Variants in PTPDC1 observed in about 807,000 individuals in gnomAD.
PTPDC1 encodes protein tyrosine phosphatase domain containing 1, also known as protein tyrosine phosphatase domain-containing protein 1.
PTPDC1 carries 53 observed loss-of-function variants against 75.3 expected under a neutral mutation model. The observed-to-expected ratio is 0.70, with a 90% CI of 0.56 to 0.88. PTPDC1 has a LOEUF of 0.88. Ranked by LOEUF, PTPDC1 falls within the 40% of genes least tolerant of loss-of-function variation. PTPDC1 has a pLI of 0.00. For missense variants in PTPDC1, 925 were observed against 998.6 expected (o/e 0.93, Z 0.99); for synonymous variants, 349 against 366.2 (o/e 0.95, Z 0.54).
intron 1 of PTPDC1, among the ~76,000 whole-genome samples, chr9:94,063,816 A>G (rs1233488603): frequency 6.6e-6 from 1 of 152,188 alleles, no homozygotes; most frequent in Admixed American, 6.5e-5. Flanking sequence ...AATTTCAACA[A>G]GTTTTTATTG....
chr9:94,084,479 C>CTGAG lies in PTPDC1; in HGVS notation c.-45_-42dup. On this transcript the variant is annotated 5_prime_UTR_variant, in exon 1 of 9. Coordinates refer to ENST00000620992, the MANE Select transcript of PTPDC1 (RefSeq NM_001253829.2). ...CCCTGCTCTCAGTGAAAGTTCCTCACTGAGTGAGTGGGGCTGACTCTTCCT... is the reference window on the plus strand; with the variant it reads ...CCCTGCTCTCAGTGAAAGTTCCTCACTGAGTGAGTGAGTGGGGCTGACTCTTCCT... 1 of 1,597,062 alleles carries CTGAG rather than the reference C, an allele frequency of 6.3e-7. No individual in the cohort carries two copies. The highest frequency in any genetic ancestry group is 8.5e-7 in the Non-Finnish European group (1 of 1,177,834).
intron 2 of PTPDC1, among the ~76,000 whole-genome samples, chr9:94,074,156 C>T (rs541937133): frequency 1.6e-4 from 24 of 152,250 alleles, no homozygotes; most frequent in African/African-American, 4.8e-4. Flanking sequence ...TTTTCTTTCT[C>T]GCTTGTCAGG....
chr9:94,074,882 A>C (rs1245655910), intron 2 of PTPDC1, among the ~76,000 whole-genome samples: 1 of 152,174 alleles, frequency 6.6e-6, no homozygotes, highest in East Asian at 1.9e-4. Flanking sequence ...TTATGGGGAA[A>C]GTAGAGTGTT....
At chr9:94,104,804 C>G (rs1305748737) in intron 8 of PTPDC1, among the ~76,000 whole-genome samples, 4 of 152,108 alleles carry the variant, frequency 2.6e-5, no homozygotes, top group Non-Finnish European at 4.4e-5. Context: ...AGTACTGAGT[C>G]CTGGTTGGCA....
At chr9:94,065,650 A>G (rs2117873797) in intron 2 of PTPDC1, among the ~76,000 whole-genome samples, 1 of 152,348 alleles carries the variant, frequency 6.6e-6, no homozygotes, top group Non-Finnish European at 1.5e-5. Context: ...TCTCTCATCA[A>G]GAAAACCATT....
intron 4 of PTPDC1, among the ~76,000 whole-genome samples, 180 bp downstream of exon 4, chr9:94,088,443 G>A (rs1243482394): frequency 2.0e-5 from 3 of 152,174 alleles, no homozygotes; most frequent in African/African-American, 7.2e-5. Context: ...GGATTTCTTT[G>A]TTCCTGTAAG....
chr9:94,090,259 A>C lies in PTPDC1; in HGVS notation c.616+1996A>C, dbSNP rs1169257375. Among the ~76,000 whole-genome samples the C allele has an allele frequency of 4.3e-4, 43 of 99,066 alleles. 1 individual carries two copies. The highest frequency in any genetic ancestry group is 2.1e-3 in the African/African-American group (43 of 20,042). 65.0% of individuals were successfully genotyped at this position (99,066 alleles called of 152,430 possible). On this transcript the variant is annotated intron_variant, in intron 4 of 8. Transcript: ENST00000620992. ...TCCATCTTGAATTGATTTTTGTATA[A>C]GGTGTAAGGAAGGGATCCAGTTTCA...
chr9:94,041,606 C>T (rs1232644599), intron 1 of PTPDC1, among the ~76,000 whole-genome samples: 1 of 152,106 alleles, frequency 6.6e-6, no homozygotes, highest in Non-Finnish European at 1.5e-5. Context: ...CTGTTGCTGG[C>T]CAGTTTTAAC....
intron 2 of PTPDC1, among the ~76,000 whole-genome samples, chr9:94,087,083 G>A (rs1453960420): frequency 1.3e-5 from 2 of 152,062 alleles, no homozygotes; most frequent in African/African-American, 4.8e-5. Flanking sequence ...CTCCCAGTTG[G>A]CCCTCCTCAT....
At chr9:94,045,027 T>C (rs1225191727) in intron 1 of PTPDC1, among the ~76,000 whole-genome samples, 2 of 123,622 alleles carry the variant, frequency 1.6e-5, no homozygotes, top group Admixed American at 2.0e-4. Context: ...CGGTGTGTGA[T>C]GTTCCCCTTC....
Position 94,097,727 on chromosome 9 carries a change from T to G in PTPDC1, c.1161T>G (p.Asp387Glu), listed in dbSNP as rs768568728. Residue 387 changes from aspartate (D) to glutamate (E), a missense_variant, in exon 6 of 9, where the codon GAT becomes GAG. Transcript: ENST00000620992. Reference sequence around the variant, plus strand: ...CTGAGATGGTCACCATGCAGCTGGATAAAGAGTTACTGAGGCATGACAGTG... The same window carrying G: ...CTGAGATGGTCACCATGCAGCTGGAGAAAGAGTTACTGAGGCATGACAGTG... Reference protein sequence around the residue: ...TMSEMVTMQLDKELLRHDSDV... With the variant: ...TMSEMVTMQLEKELLRHDSDV... 5.0e-6 allele frequency: 8 copies of G among 1,614,092 alleles called. No individual in the cohort carries two copies. The South Asian group carries it at 7.7e-5, about 16-fold the overall frequency.
chr9:94,037,510 T>C (rs559949359), intron 1 of PTPDC1, among the ~76,000 whole-genome samples: 108 of 152,314 alleles, frequency 7.1e-4, no homozygotes, highest in Non-Finnish European at 1.2e-3. Context: ...AAATGAGATA[T>C]GTTCTCTTTT....
At position 94,075,135 on chromosome 9, in the gene PTPDC1, G is replaced by A. The variant is rs74968370; in HGVS notation, c.83-10116G>A. ...ACTGCCCATTTCTATCTGATGGGGG[G>A]AATCATCTTTCTGCTCAGGTCACCA... On this transcript the variant is annotated intron_variant, in intron 2 of 9. Transcript: ENST00000375360. Among the ~76,000 whole-genome samples, 1,068 of 152,028 alleles carry A rather than the reference G, an allele frequency of 7.0e-3. 18 individuals are homozygous for A. Among genetic ancestry groups the A allele is most frequent in the African/African-American group, 0.024 (1,011 of 41,436 alleles).
At chr9:94,086,081 T>C (rs1405452805) in intron 2 of PTPDC1, among the ~76,000 whole-genome samples, 4 of 152,260 alleles carry the variant, frequency 2.6e-5, no homozygotes, top group African/African-American at 9.6e-5. Flanking sequence ...ATTCACTGTT[T>C]AATTCTAGTA....
At chr9:94,069,210 A>G (rs1258510843) in intron 2 of PTPDC1, among the ~76,000 whole-genome samples, 2 of 152,168 alleles carry the variant, frequency 1.3e-5, no homozygotes, top group Non-Finnish European at 2.9e-5. Flanking sequence ...GTTCATACAT[A>G]TACATATGTA....
rs368343412 is a variant in PTPDC1 at position 94,050,708 on chromosome 9, C to T, written c.-6-14026C>T. On this transcript the variant is annotated intron_variant, in intron 1 of 9. Transcript: ENST00000375360. The stretch of plus-strand genomic sequence containing the variant: ...CTGTCCGTTCTCAGATCTCAAACTG[C>T]GTACTGGGAGAACCACTACTCTCTT... Among the ~76,000 whole-genome samples, 20 of 152,302 alleles carry T rather than the reference C, an allele frequency of 1.3e-4. No individual in the cohort carries two copies. The East Asian group carries it at 2.5e-3, about 19-fold the overall frequency.
At chr9:94,043,106 G>A (rs1041431766) in intron 1 of PTPDC1, among the ~76,000 whole-genome samples, 5 of 152,176 alleles carry the variant, frequency 3.3e-5, no homozygotes, top group African/African-American at 1.2e-4. Context: ...AGTCATCCAT[G>A]AGGGCTGGAA....
chr9:94,088,116 A>C, intron 3 of PTPDC1, 29 bp from the exon 4 acceptor site: 1 of 1,608,196 alleles, frequency 6.2e-7, no homozygotes, highest in East Asian at 2.2e-5. Flanking sequence ...CTAGCTCCCA[A>C]TATGACTGAC....
chr9:94,051,410 T>C (rs1183391059), intron 1 of PTPDC1, among the ~76,000 whole-genome samples: 2 of 152,222 alleles, frequency 1.3e-5, no homozygotes, highest in Admixed American at 6.5e-5. Context: ...TTTTTAAAAA[T>C]AGTCCTTATT....
Sources: gnomAD v4.1 joint callset for allele counts (sites outside exome capture counted in the v4.1 genomes callset) on GRCh38, gnomAD v4.1.1 for gene constraint, MANE v1.5 for transcripts, NCBI Gene and HGNC (gene_info 2026-07-23, HGNC 2026-07-21) for gene names.